Variants in SYNE1 observed in about 807,000 individuals in gnomAD.
The protein encoded by SYNE1 is spectrin repeat containing nuclear envelope protein 1.
A neutral mutation model predicts 1,111.0 loss-of-function variants in SYNE1; 616 were observed. The observed-to-expected ratio is 0.55, with a 90% CI of 0.52 to 0.59. SYNE1 has a LOEUF of 0.59. Among genes scored for constraint, SYNE1 ranks in the 20% least tolerant of loss-of-function variants. The pLI is 0.00. For missense variants in SYNE1, 10,006 were observed against 10,417.0 expected, an observed-to-expected ratio of 0.96 and a Z score of 1.72; for synonymous variants, 3,855 against 3,825.8, an observed-to-expected ratio of 1.01 and a Z score of -0.28.
rs755524883 is a variant in SYNE1, at chr6:152,364,939, A to G, written c.10053T>C (p.Thr3351=). ...VTRGESVLQN[T]SPEGIPTIQQ... ...GAATAGTGGGAATGCCTTCTGGAGA[A>G]GTATTCTGAAGGACAGATTCTCCCC... Residue 3351 remains threonine (T), a synonymous_variant, in exon 63 of 146, where the codon ACT becomes ACC. Transcript: ENST00000367255. The G allele has an allele frequency of 6.2e-6, 10 of 1,614,128 alleles. No homozygotes were observed. The highest frequency in any genetic ancestry group is 7.6e-6 in the Non-Finnish European group (9 of 1,180,052).
chr6:152,579,296 C>T (rs146554338), intron 3 of SYNE1, among the ~76,000 whole-genome samples: 62 of 152,260 alleles, frequency 4.1e-4, no homozygotes, highest in African/African-American at 1.3e-3. Flanking sequence ...GTCTTAAAGG[C>T]AAAAAGTTCT....
chr6:152,164,084 C>A, intron 131 of SYNE1, 79 bp downstream of exon 131: 1 of 1,590,176 alleles, frequency 6.3e-7, no homozygotes, highest in Non-Finnish European at 8.6e-7. Context: ...CAGGCACCAT[C>A]TCATGCCCAC....
Position 152,189,339 on chromosome 6 carries a change from G to C in SYNE1, c.23214C>G (p.Leu7738=), listed in dbSNP as rs543882781. The change falls in exon 128 of 146, where the codon CTC becomes CTG. Residue 7738 remains leucine, a synonymous_variant. Coordinates refer to ENST00000367255, the MANE Select transcript of SYNE1 (RefSeq NM_182961.4). The stretch of plus-strand genomic sequence containing the variant: ...TATCATCAGCACTGATATAGGCAGA[G>C]AGGGTGTCCTTCAGCAGGCTCAACT... The part of the protein sequence containing the change: ...LTQLSLLKDT[L]SAYISADDIS... 1.2e-5 allele frequency: 20 copies of C among 1,614,118 alleles called. No individual in the cohort carries two copies. In the East Asian group the frequency reaches 3.6e-4, roughly 29 times the overall value.
chr6:152,226,868 A>G (rs558208237), intron 115 of SYNE1, among the ~76,000 whole-genome samples: 73 of 152,294 alleles, frequency 4.8e-4, no homozygotes, highest in African/African-American at 1.7e-3. Flanking sequence ...GGGTGATATG[A>G]AAAGCCAGGC....
intron 128 of SYNE1, among the ~76,000 whole-genome samples, chr6:152,186,149 T>C (rs2069816709): frequency 6.6e-6 from 1 of 152,080 alleles, no homozygotes. Flanking sequence ...TGCCACATAA[T>C]GGCACAACCA....
In SYNE1 at chr6:152,219,149, G is replaced by A. The variant is rs750071505; in HGVS notation, c.21898C>T (p.Leu7300Phe). The A allele has an allele frequency of 6.2e-7, 1 of 1,613,898 alleles. No individual in the cohort carries two copies. The highest frequency in any genetic ancestry group is 8.5e-7 in the Non-Finnish European group (1 of 1,179,978). Reference protein sequence around the residue: ...LKGLGTVKDSLFFLHELGEQL... With the variant: ...LKGLGTVKDSFFFLHELGEQL... The stretch of plus-strand genomic sequence containing the variant: ...TCTCCCAGCTCATGGAGAAAAAAGA[G>A]GGAATCTTTAACTGTGCCCAGTCCT... Residue 7300 changes from leucine (L) to phenylalanine (F), a missense_variant, in exon 120 of 146, where the codon CTC (leucine) becomes TTC (phenylalanine). Leu to Phe is a conservative substitution (Grantham distance 22). This residue lies in a region of SYNE1 where 2,182 missense variants were observed against 2,287.8 expected (regional missense o/e 0.95). Coordinates refer to ENST00000367255, the MANE Select transcript of SYNE1 (RefSeq NM_182961.4).
chr6:152,310,667 C>CTTTTTTTTTT, intron 88 of SYNE1, 21 bp downstream of exon 88: 1 of 1,509,532 alleles, frequency 6.6e-7, no homozygotes, highest in Non-Finnish European at 9.1e-7. Context: ...TTTTCTGTTT[C>CTTTTTTTTTT]TTTTTTTTTT....
rs905243709 is a variant in SYNE1 at position 152,468,907 on chromosome 6, T to C, written c.1632+2690A>G. Among the ~76,000 whole-genome samples the C allele has an allele frequency of 4.6e-5, 7 of 152,166 alleles. No homozygotes were observed. In the South Asian group the frequency reaches 1.0e-3, roughly 23 times the overall value. ...CCTCCTGCCTCAGCCTCCTGAGTGGTTGAAACTACAGGTGCACACCATGAC... is the reference window on the plus strand; with the variant it reads ...CCTCCTGCCTCAGCCTCCTGAGTGGCTGAAACTACAGGTGCACACCATGAC... On this transcript the variant is annotated intron_variant, in intron 16 of 145. Transcript: ENST00000367255.
At chr6:152,453,973 A>G (rs774378554) in intron 24 of SYNE1, among the ~76,000 whole-genome samples, 1 of 152,228 alleles carries the variant, frequency 6.6e-6, no homozygotes, top group Non-Finnish European at 1.5e-5. Context: ...CAAATTTGGT[A>G]GAATATTCCA....
intron 39 of SYNE1, among the ~76,000 whole-genome samples, chr6:152,421,725 G>T (rs2154189834): frequency 6.8e-6 from 1 of 146,578 alleles, no homozygotes; most frequent in African/African-American, 2.5e-5. Flanking sequence ...ATTTTTTGGA[G>T]ATGGAGTTTC....
chr6:152,268,151 T>C lies in SYNE1; in HGVS notation c.18720A>G (p.Glu6240=), dbSNP rs375085807. Residue 6240 remains glutamate, a synonymous_variant, in exon 100 of 146, where the codon GAA becomes GAG. Transcript: ENST00000367255. Reference sequence around the variant, plus strand: ...GAAGGAGACTCTTCTGCTCGGCTAATTCCTGTTCTAACTCCTGCTCAAGGG... The same window carrying C: ...GAAGGAGACTCTTCTGCTCGGCTAACTCCTGTTCTAACTCCTGCTCAAGGG... ...SLQQQKELEQ[E]LAEQKSLLRS... is the part of the protein sequence containing the mutation. 6.2e-7 allele frequency: 1 copy of C among 1,613,978 alleles called. No individual in the cohort carries two copies. The highest frequency in any genetic ancestry group is 8.5e-7 in the Non-Finnish European group (1 of 1,179,948).
chr6:152,381,414 T>G (rs779546726), intron 55 of SYNE1, 52 bp from the exon 56 acceptor site: 1 of 1,585,448 alleles, frequency 6.3e-7, no homozygotes, highest in Non-Finnish European at 8.6e-7. Context: ...TCACTTGGAC[T>G]GCAAGTTTTC....
Position 152,344,100 on chromosome 6 carries a change from C to G in SYNE1, c.12206G>C (p.Arg4069Thr). The G allele has an allele frequency of 6.2e-7, 1 of 1,614,186 alleles. No individual in the cohort carries two copies. Among genetic ancestry groups the G allele is most frequent in the Non-Finnish European group, 8.5e-7 (1 of 1,180,030 alleles). The change falls in exon 74 of 146, where the codon AGG becomes ACG. Residue 4069 changes from arginine (R) to threonine (T), a missense_variant. By Grantham distance (71) the Arg-to-Thr change is moderately conservative (BLOSUM62 -1). Around this residue, in one of 7 missense-constraint regions of SYNE1, gnomAD observed 4,955 missense variants for 5,017.2 expected, o/e 0.99. Transcript: ENST00000367255. The part of the protein sequence containing the change: ...LEPSPQPPLS[R>T]AEAIKQVKHF... ...TACTACCTGCTTAATGGCTTCTGCC[C>G]TACTAAGAGGTGGTTGAGGACTTGG...
intron 3 of SYNE1, among the ~76,000 whole-genome samples, chr6:152,615,428 AT>A (rs34364170): frequency 0.01 from 1,574 of 151,076 alleles, 24 homozygotes; most frequent in African/African-American, 0.037. Context: ...TCTTGAAACT[AT>A]TTTTTTTTAA....
At chr6:152,242,978 T>C (rs1253991368) in intron 106 of SYNE1, among the ~76,000 whole-genome samples, 1 of 152,148 alleles carries the variant, frequency 6.6e-6, no homozygotes, top group African/African-American at 2.4e-5. Context: ...TTTAATAAGT[T>C]AAAATATGAA....
rs367698998 is a variant in SYNE1, at chr6:152,477,614, A to T, written c.1351-5201T>A. 5.0e-4 allele frequency among the ~76,000 whole-genome samples: 76 copies of T among 152,156 alleles called. 1 individual carries two copies. The South Asian group carries it at 0.015, about 29-fold the overall frequency. The stretch of plus-strand genomic sequence containing the variant: ...TCCTTTTACTTTCTAACCTAAATTT[A>T]CTTATTTTTTATATTTATTACCTTT... On this transcript the variant is annotated intron_variant, in intron 14 of 145. Coordinates refer to ENST00000367255, the MANE Select transcript of SYNE1 (RefSeq NM_182961.4).
intron 128 of SYNE1, among the ~76,000 whole-genome samples, chr6:152,185,615 C>T (rs1386418239): frequency 6.6e-6 from 1 of 152,198 alleles, no homozygotes; most frequent in Admixed American, 6.5e-5. Flanking sequence ...TACGCTTTAG[C>T]TTCAAGCATT....
At chr6:152,549,904 G>A (rs555151579) in intron 3 of SYNE1, among the ~76,000 whole-genome samples, 1 of 152,148 alleles carries the variant, frequency 6.6e-6, no homozygotes, top group African/African-American at 2.4e-5. Flanking sequence ...TTTGCAAAAT[G>A]TAGTATCATT....
Position 152,409,167 on chromosome 6 carries a change from G to T in SYNE1, c.6441C>A (p.Ser2147Arg). 1 of 1,614,072 alleles carries T rather than the reference G, an allele frequency of 6.2e-7. No individual in the cohort carries two copies. Among genetic ancestry groups the T allele is most frequent in the Non-Finnish European group, 8.5e-7 (1 of 1,179,964 alleles). Reference sequence around the variant, plus strand: ...GCTCAGATAACAAGTGTTTTCCTTTGCTGGTAAAGTTATCCAAGTCTTTCT... The same window carrying T: ...GCTCAGATAACAAGTGTTTTCCTTTTCTGGTAAAGTTATCCAAGTCTTTCT... ...YKQKDLDNFT[S>R]KGKHLLSELK... is the part of the protein sequence containing the mutation. The change falls in exon 44 of 146, where the codon AGC becomes AGA. Residue 2147 changes from serine (S) to arginine (R), a missense_variant. Physicochemically the swap from Ser to Arg is moderately radical, Grantham distance 110. Around this residue, in one of 7 missense-constraint regions of SYNE1, gnomAD observed 4,955 missense variants for 5,017.2 expected, o/e 0.99. Coordinates refer to ENST00000367255, the MANE Select transcript of SYNE1 (RefSeq NM_182961.4).
Sources: allele counts gnomAD v4.1 joint callset (sites outside exome capture counted in the v4.1 genomes callset), GRCh38; gene constraint gnomAD v4.1.1; regional missense constraint gnomAD v4.1.1; transcripts MANE v1.5; gene names NCBI Gene and HGNC (gene_info 2026-07-23, HGNC 2026-07-21).